PLA2G4E: variants seen among roughly 807,000 people sequenced by gnomAD.
PLA2G4E encodes phospholipase A2 group IVE.
Under a neutral mutation model 109.1 loss-of-function variants are expected in PLA2G4E, and 84 were observed. That is an observed-to-expected ratio of 0.77 (90% confidence interval 0.65 to 0.92). The LOEUF is 0.92. Among genes scored for constraint, PLA2G4E ranks in the 40% least tolerant of loss-of-function variants. PLA2G4E has a pLI of 0.00. For synonymous variants in PLA2G4E, 469 were observed against 436.1 expected (o/e 1.08, Z -0.94); for missense variants, 1,057 against 1,076.6 (o/e 0.98, Z 0.25).
intron 1 of PLA2G4E, among the ~76,000 whole-genome samples, chr15:42,040,897 G>C (rs535922057): frequency 6.6e-6 from 1 of 152,292 alleles, no homozygotes; most frequent in East Asian, 1.9e-4. Context: ...GTTCAAGAAA[G>C]GTTGGGAATC....
In PLA2G4E at chr15:42,015,822, G is replaced by A. The variant is rs539595800; in HGVS notation, c.184-2065C>T. On this transcript the variant is annotated intron_variant, in intron 1 of 19. Coordinates refer to ENST00000399518, the Ensembl canonical transcript of PLA2G4E. ...GGGCCCAAGGCTGCAGAGGTGAGGC[G>A]CGTTTCTACTCTGAGCCGGCACACC... 5.9e-5 allele frequency among the ~76,000 whole-genome samples: 9 copies of A among 152,308 alleles called. No homozygotes were observed. The South Asian group carries it at 6.2e-4, about 11-fold the overall frequency.
intron 1 of PLA2G4E, among the ~76,000 whole-genome samples, chr15:42,046,039 G>C (rs1668541): frequency 0.19 from 29,115 of 151,942 alleles, 2,968 homozygotes; most frequent in South Asian, 0.33. Flanking sequence ...CATATCCAGT[G>C]TGTCCCAAGT....
chr15:41,985,926 G>C (rs773942695), exon 18 of PLA2G4E: 20 of 1,607,272 alleles, frequency 1.2e-5, no homozygotes, highest in Non-Finnish European at 1.7e-5. Context: ...AGCTGGAGTT[G>C]ACAAAGAACG....
At chr15:42,003,025 C>T (rs1285707974) in intron 5 of PLA2G4E, among the ~76,000 whole-genome samples, 1 of 152,220 alleles carries the variant, frequency 6.6e-6, no homozygotes, top group Non-Finnish European at 1.5e-5. Flanking sequence ...GAAATGGCTG[C>T]AACCTGCCAG....
intron 9 of PLA2G4E, 87 bp from the exon 10 acceptor site, chr15:41,999,648 T>C (rs1034249514): frequency 1.7e-4 from 263 of 1,513,572 alleles, no homozygotes; most frequent in Non-Finnish European, 2.3e-4. Flanking sequence ...CAGACCCCAC[T>C]CAGCACACAC....
At chr15:42,044,538 A>G (rs1393236071) in intron 1 of PLA2G4E, among the ~76,000 whole-genome samples, 1 of 151,616 alleles carries the variant, frequency 6.6e-6, no homozygotes, top group Non-Finnish European at 1.5e-5. Context: ...GCAAGGACAA[A>G]AAACCAAACA....
Position 42,030,652 on chromosome 15 carries a change from T to C in PLA2G4E, c.184-16895A>G, listed in dbSNP as rs554610283. Among the ~76,000 whole-genome samples, 7 of 152,322 alleles carry C rather than the reference T, an allele frequency of 4.6e-5. No individual in the cohort carries two copies. The East Asian group carries it at 1.2e-3, about 25-fold the overall frequency. The stretch of plus-strand genomic sequence containing the variant: ...TCACTTTGCCTCTGGCCATCCCCCA[T>C]TAAGCTAGAACAGAGTCCTGCTCCA... On this transcript the variant is annotated intron_variant, in intron 1 of 19. Transcript: ENST00000399518.
intron 1 of PLA2G4E, among the ~76,000 whole-genome samples, chr15:42,023,492 C>A (rs2068666719): frequency 6.6e-6 from 1 of 151,928 alleles, no homozygotes; most frequent in African/African-American, 2.4e-5. Flanking sequence ...AACAAGGGAT[C>A]AATTAGGAGG....
At chr15:42,015,465 G>C (rs1373935597) in intron 1 of PLA2G4E, among the ~76,000 whole-genome samples, 1 of 152,218 alleles carries the variant, frequency 6.6e-6, no homozygotes, top group Non-Finnish European at 1.5e-5. Flanking sequence ...AGAGCTCAGG[G>C]TCTGTGTGCT....
At chr15:42,014,488 G>C (rs937654204) in intron 1 of PLA2G4E, among the ~76,000 whole-genome samples, 3 of 152,180 alleles carry the variant, frequency 2.0e-5, no homozygotes, top group Non-Finnish European at 2.9e-5. Context: ...CCCACATGCA[G>C]ATATTTGCTC....
intron 1 of PLA2G4E, among the ~76,000 whole-genome samples, chr15:42,018,021 T>C (rs755674724): frequency 3.3e-5 from 5 of 152,124 alleles, no homozygotes; most frequent in Non-Finnish European, 7.3e-5. Context: ...GAAGGGGGTT[T>C]GAGAGACATC....
exon 15 of PLA2G4E, chr15:41,989,466 T>TGAAGAACTCGGAGCC (rs747526768): frequency 6.2e-7 from 1 of 1,613,968 alleles, no homozygotes; most frequent in South Asian, 1.1e-5. Context: ...AGCCGCCCCA[T>TGAAGAACTCGGAGCC]GAAGAACTCG....
At chr15:42,001,463 T>G (rs1446214304) in intron 6 of PLA2G4E, among the ~76,000 whole-genome samples, 1 of 152,112 alleles carries the variant, frequency 6.6e-6, no homozygotes, top group Non-Finnish European at 1.5e-5. Context: ...CGGTCACAGT[T>G]TACTAGGGGT....
At chr15:41,996,663 G>C (rs1054187784) in intron 11 of PLA2G4E, among the ~76,000 whole-genome samples, 6 of 152,238 alleles carry the variant, frequency 3.9e-5, no homozygotes, top group African/African-American at 1.4e-4. Context: ...GGCCCTAGGA[G>C]TGCAAGTTGC....
chr15:42,034,564 C>T (rs1889174028), intron 1 of PLA2G4E, among the ~76,000 whole-genome samples: 1 of 152,208 alleles, frequency 6.6e-6, no homozygotes. Context: ...GGGCCCCAAC[C>T]AGTCTGGCCA....
chr15:42,034,934 C>A (rs750160158), intron 1 of PLA2G4E, among the ~76,000 whole-genome samples: 1 of 152,218 alleles, frequency 6.6e-6, no homozygotes, highest in Non-Finnish European at 1.5e-5. Flanking sequence ...CTGCCACTTG[C>A]GCCTGAACAG....
At position 41,999,510 on chromosome 15, in the gene PLA2G4E, T is replaced by TGCG; in HGVS notation, c.974+11_974+13dup. 6.4e-7 allele frequency: 1 copy of TGCG among 1,572,960 alleles called. No individual in the cohort carries two copies. The highest frequency in any genetic ancestry group is 8.7e-7 in the Non-Finnish European group (1 of 1,143,022). On this transcript the variant is annotated intron_variant, in intron 10 of 19. Transcript: ENST00000399518. ...GAATAAGTGAGAGGCACGGACAGAA[T>TGCG]GCGGGTACTATACCAGGGTGTAGAC...
chr15:41,991,195 G>T (rs372508862), intron 13 of PLA2G4E, among the ~76,000 whole-genome samples: 4 of 152,122 alleles, frequency 2.6e-5, no homozygotes, highest in African/African-American at 9.7e-5. Context: ...TGGCCAGAGC[G>T]CAAGAGCAGA....
chr15:41,985,533 AG>A (rs2068126079), intron 18 of PLA2G4E, among the ~76,000 whole-genome samples: 1 of 152,226 alleles, frequency 6.6e-6, no homozygotes, highest in Non-Finnish European at 1.5e-5. Context: ...GGCTCTACTA[AG>A]GTTATTTTTA....
Sources: allele counts gnomAD v4.1 joint callset (sites outside exome capture counted in the v4.1 genomes callset), GRCh38; gene constraint gnomAD v4.1.1; transcripts MANE v1.5; gene names NCBI Gene and HGNC (gene_info 2026-07-23, HGNC 2026-07-21).